The following NCALD variants were observed in gnomAD, a reference collection of about 807,000 sequenced individuals.
The protein encoded by NCALD is neurocalcin-delta.
NCALD carries 10 observed loss-of-function variants against 18.6 expected under a neutral mutation model. That is an observed-to-expected ratio of 0.54 (90% CI 0.33 to 0.91). The LOEUF is 0.91. Among genes scored for constraint, NCALD ranks in the 40% least tolerant of loss-of-function variants. NCALD has a pLI of 0.03. For synonymous variants in NCALD, 88 were observed against 87.4 expected (o/e 1.01, Z -0.04); for missense variants, 184 against 247.6 (o/e 0.74, Z 1.72).
At chr8:101,742,805 G>T (rs1810266781) in intron 1 of NCALD, among the ~76,000 whole-genome samples, 1 of 152,092 alleles carries the variant, frequency 6.6e-6, no homozygotes, top group African/African-American at 2.4e-5. Context: ...TTAGCTATTT[G>T]TCCTGATGCT....
At chr8:101,998,329 T>A (rs1024721536) in intron 2 of NCALD, among the ~76,000 whole-genome samples, 7 of 152,180 alleles carry the variant, frequency 4.6e-5, no homozygotes, top group Admixed American at 3.3e-4. Context: ...TTTGGGGGGC[T>A]CAATTGCAAT....
At chr8:101,692,206 G>A (rs1015341191) in intron 3 of NCALD, 17 of 985,094 alleles carry the variant, frequency 1.7e-5, no homozygotes, top group East Asian at 1.1e-4. Flanking sequence ...TTTTCACTTC[G>A]TTGGGTTTGA....
At chr8:101,855,526 G>C (rs1815279229) in intron 4 of NCALD, among the ~76,000 whole-genome samples, 1 of 152,130 alleles carries the variant, frequency 6.6e-6, no homozygotes, top group African/African-American at 2.4e-5. Context: ...CTGTTTGTTA[G>C]AGCAGCATAA....
At chr8:101,751,114 G>A (rs995830609) in intron 1 of NCALD, among the ~76,000 whole-genome samples, 13 of 152,164 alleles carry the variant, frequency 8.5e-5, no homozygotes, top group South Asian at 2.1e-4. Flanking sequence ...CAGATGAATG[G>A]ATAAACAAAT....
intron 2 of NCALD, among the ~76,000 whole-genome samples, chr8:101,999,743 TA>T (rs944408126): frequency 1.3e-5 from 2 of 152,154 alleles, no homozygotes; most frequent in African/African-American, 4.8e-5. Flanking sequence ...TATTATTCTC[TA>T]AAAATAAAAT....
At position 101,968,777 on chromosome 8, in the gene NCALD, T is replaced by G. The variant is rs115223444; in HGVS notation, c.-157+51460A>C. Among the ~76,000 whole-genome samples, 1,092 of 152,286 alleles carry G rather than the reference T, an allele frequency of 7.2e-3. 16 individuals are homozygous for G. The highest frequency in any genetic ancestry group is 0.024 in the African/African-American group (1,011 of 41,566). On this transcript the variant is annotated intron_variant, in intron 2 of 6. Coordinates refer to the NCALD transcript ENST00000311028. ...CAAACAGCATATGCCTTCTTCACAT[T>G]GTGTTCTTCAAATTCTATCATAAAT...
intron 4 of NCALD, among the ~76,000 whole-genome samples, chr8:101,879,878 C>T (rs1180351857): frequency 6.6e-6 from 1 of 152,184 alleles, no homozygotes; most frequent in Admixed American, 6.5e-5. Context: ...TAAAAGTCCT[C>T]CAAGTCCCCA....
intron 4 of NCALD, among the ~76,000 whole-genome samples, chr8:101,819,391 A>AAGATGTAT (rs1386938182): frequency 2.0e-5 from 3 of 151,770 alleles, no homozygotes; most frequent in Non-Finnish European, 4.4e-5. Flanking sequence ...GAACATTTTA[A>AAGATGTAT]AGATGTATTT....
intron 1 of NCALD, among the ~76,000 whole-genome samples, chr8:102,032,438 G>T (rs1822708493): frequency 6.6e-6 from 1 of 151,876 alleles, no homozygotes; most frequent in Admixed American, 6.6e-5. Flanking sequence ...ACTCAGGGAT[G>T]GCCCTGAAAG....
At chr8:102,046,458 T>A (rs1489063357) in intron 1 of NCALD, among the ~76,000 whole-genome samples, 1 of 152,214 alleles carries the variant, frequency 6.6e-6, no homozygotes, top group African/African-American at 2.4e-5. Flanking sequence ...CTAGTCATTT[T>A]TTATTATTAT....
chr8:101,801,511 G>T (rs1293795271), intron 4 of NCALD, among the ~76,000 whole-genome samples: 1 of 151,590 alleles, frequency 6.6e-6, no homozygotes, highest in East Asian at 1.9e-4. Flanking sequence ...AATACTCTTT[G>T]CAAACAGTGG....
At chr8:101,799,231 G>C (rs1393027667) in intron 4 of NCALD, among the ~76,000 whole-genome samples, 2 of 152,088 alleles carry the variant, frequency 1.3e-5, no homozygotes, top group African/African-American at 2.4e-5. Flanking sequence ...GGAAATTCAA[G>C]TTAAAACCAT....
At chr8:101,746,703 C>T (rs768237757) in intron 1 of NCALD, among the ~76,000 whole-genome samples, 10 of 151,440 alleles carry the variant, frequency 6.6e-5, no homozygotes, top group Middle Eastern at 6.8e-3. Flanking sequence ...ATCTCTGAAA[C>T]GTAAATTTTA....
intron 1 of NCALD, among the ~76,000 whole-genome samples, chr8:101,749,002 G>A (rs1217869511): frequency 6.6e-6 from 1 of 152,140 alleles, no homozygotes; most frequent in East Asian, 1.9e-4. Flanking sequence ...GTGCATGCGC[G>A]GTATGTGTGT....
chr8:101,719,949 G>A (rs978374975), intron 1 of NCALD, among the ~76,000 whole-genome samples: 4 of 152,180 alleles, frequency 2.6e-5, no homozygotes, highest in African/African-American at 9.7e-5. Flanking sequence ...AATGAGGGCA[G>A]GGAGAGAGGG....
chr8:101,903,192 T>C (rs1817496490), intron 3 of NCALD, among the ~76,000 whole-genome samples: 1 of 143,690 alleles, frequency 7.0e-6, no homozygotes, highest in South Asian at 2.2e-4. Flanking sequence ...GGTTTACTTT[T>C]AGGAATTTTT....
At chr8:101,903,962 G>A (rs1204518138) in intron 3 of NCALD, among the ~76,000 whole-genome samples, 1 of 152,138 alleles carries the variant, frequency 6.6e-6, no homozygotes, top group East Asian at 1.9e-4. Context: ...CTCCAGACTA[G>A]GAATCCCACA....
At chr8:101,778,755 C>T (rs1169283304) in intron 1 of NCALD, among the ~76,000 whole-genome samples, 1 of 151,986 alleles carries the variant, frequency 6.6e-6, no homozygotes, top group Non-Finnish European at 1.5e-5. Flanking sequence ...AGTATCGTTT[C>T]CATAGTAAGA....
In NCALD at chr8:101,784,344, T is replaced by C. The variant is rs150266896; in HGVS notation, c.-20+6518A>G. On this transcript the variant is annotated intron_variant, in intron 1 of 3. Coordinates refer to ENST00000220931, the MANE Select transcript of NCALD (RefSeq NM_032041.3). The stretch of plus-strand genomic sequence containing the variant: ...GGGAAAATGTCAAGAAGAAAAAGAA[T>C]AGCAAGAGAGAAAAAAATTGTATTC... Among the ~76,000 whole-genome samples the C allele has an allele frequency of 4.7e-3, 720 of 152,168 alleles. 9 individuals are homozygous for C. Among genetic ancestry groups the C allele is most frequent in the African/African-American group, 0.015 (638 of 41,518 alleles).
Sources: allele counts gnomAD v4.1 joint callset (sites outside exome capture counted in the v4.1 genomes callset), GRCh38; gene constraint gnomAD v4.1.1; transcripts MANE v1.5; gene names NCBI Gene and HGNC (gene_info 2026-07-23, HGNC 2026-07-21).